The following POLD3 variants were observed in gnomAD, a reference collection of about 807,000 sequenced individuals.
POLD3 encodes the protein DNA polymerase delta subunit 3.
POLD3 carries 19 observed loss-of-function variants against 58.2 expected under a neutral mutation model. The observed-to-expected ratio is 0.33, with a 90% CI of 0.23 to 0.48. The LOEUF (loss-of-function observed/expected upper bound fraction) is 0.48. Among genes scored for constraint, POLD3 ranks in the 20% least tolerant of loss-of-function variants. The pLI is 0.99. For synonymous variants in POLD3, 172 were observed against 193.5 expected (o/e 0.89, Z 0.92); for missense variants, 504 against 545.5 (o/e 0.92, Z 0.76).
intron 4 of POLD3, among the ~76,000 whole-genome samples, chr11:74,658,196 A>G (rs974695611): frequency 6.6e-6 from 1 of 152,248 alleles, no homozygotes; most frequent in Admixed American, 6.5e-5. Flanking sequence ...GGCAGCAGCA[A>G]GAGAAAAATG....
At chr11:74,592,837 C>T in intron 1 of POLD3, 119 bp downstream of exon 1, 1 of 1,523,774 alleles carries the variant, frequency 6.6e-7, no homozygotes, top group Non-Finnish European at 8.8e-7. Context: ...GGAGACAGGT[C>T]CCCACGAGGG....
intron 2 of POLD3, among the ~76,000 whole-genome samples, chr11:74,602,772 G>C (rs1326288498): frequency 6.6e-6 from 1 of 152,168 alleles, no homozygotes; most frequent in Admixed American, 6.5e-5. Flanking sequence ...CTGGCACTCT[G>C]CCCTCTCTCC....
chr11:74,599,368 ATTT>A (rs60458731), intron 2 of POLD3, among the ~76,000 whole-genome samples: 2 of 139,480 alleles, frequency 1.4e-5, no homozygotes, highest in Admixed American at 7.2e-5. Context: ...CTCTCAAGTA[ATTT>A]TTTTTTTTTT....
At chr11:74,657,741 G>A (rs1354616641) in intron 4 of POLD3, among the ~76,000 whole-genome samples, 5 of 152,182 alleles carry the variant, frequency 3.3e-5, no homozygotes, top group African/African-American at 1.2e-4. Flanking sequence ...TTACCAGTGA[G>A]TTTTGTATCT....
At chr11:74,618,470 T>C (rs1488236201) in intron 5 of POLD3, 67 bp from the exon 6 acceptor site, 22 of 1,212,558 alleles carry the variant, frequency 1.8e-5, no homozygotes, top group Non-Finnish European at 2.5e-5. Context: ...TTTTTTTTTC[T>C]TTTTTTGTTG....
At chr11:74,631,227 A>G (rs2032579819) in intron 9 of POLD3, among the ~76,000 whole-genome samples, 1 of 152,230 alleles carries the variant, frequency 6.6e-6, no homozygotes, top group African/African-American at 2.4e-5. Context: ...GAAGTTAGAA[A>G]AGGAACAGCA....
At chr11:74,646,701 C>T (rs890812943), downstream of POLD3, among the ~76,000 whole-genome samples, 6 of 152,172 alleles carry the variant, frequency 3.9e-5, no homozygotes, top group African/African-American at 1.2e-4. Flanking sequence ...ATCAAGAGGA[C>T]ATTTGGCATT....
At chr11:74,608,742 T>C (rs944963652) in intron 3 of POLD3, among the ~76,000 whole-genome samples, 4 of 152,208 alleles carry the variant, frequency 2.6e-5, no homozygotes, top group Non-Finnish European at 4.4e-5. Context: ...TTTTTAGGGC[T>C]CTTACTGCAA....
chr11:74,607,140 T>A (rs910759860), intron 3 of POLD3, among the ~76,000 whole-genome samples: 1 of 151,970 alleles, frequency 6.6e-6, no homozygotes, highest in African/African-American at 2.4e-5. Flanking sequence ...TCAGGTTTTG[T>A]TCTTTTAATT....
intron 4 of POLD3, among the ~76,000 whole-genome samples, chr11:74,660,879 T>C (rs2033198063): frequency 1.3e-5 from 2 of 152,084 alleles, no homozygotes; most frequent in African/African-American, 4.8e-5. Context: ...TTTATAGCAA[T>C]GTAAAAACAG....
At chr11:74,596,244 C>T (rs1420473477) in intron 2 of POLD3, among the ~76,000 whole-genome samples, 7 of 149,736 alleles carry the variant, frequency 4.7e-5, no homozygotes, top group South Asian at 2.1e-4. Flanking sequence ...AGTCCAACGG[C>T]GTGATCTCGG....
chr11:74,640,887 C>A lies in POLD3; in HGVS notation c.*121C>A. The A allele has an allele frequency of 7.5e-7, 1 of 1,339,350 alleles. No individual in the cohort carries two copies. Among genetic ancestry groups the A allele is most frequent in the Non-Finnish European group, 9.6e-7 (1 of 1,044,272 alleles). 83.0% of individuals were successfully genotyped at this position (1,339,350 alleles called of 1,614,324 possible). On this transcript the variant is annotated 3_prime_UTR_variant, in exon 12 of 12. Coordinates refer to ENST00000263681, the MANE Select transcript of POLD3 (RefSeq NM_006591.3). ...ACCTCACCTGTATCAAAAGACTGTT[C>A]TTTCATCCTGTGAGGTTTATACTAT...
chr11:74,634,347 A>T lies in POLD3; in HGVS notation c.1007-236A>T, dbSNP rs1357768431. On this transcript the variant is annotated intron_variant, in intron 9 of 11. Coordinates refer to ENST00000263681, the MANE Select transcript of POLD3 (RefSeq NM_006591.3). ...AACCTGACTAGCTATAAAAGAAAAT[A>T]TTTAGCTAAGATACTTCCGGCTGTA... 3.9e-5 allele frequency among the ~76,000 whole-genome samples: 6 copies of T among 152,346 alleles called. No homozygotes were observed. The South Asian group carries it at 8.3e-4, about 21-fold the overall frequency.
chr11:74,594,869 A>T (rs1172525122), intron 2 of POLD3, among the ~76,000 whole-genome samples: 1 of 152,224 alleles, frequency 6.6e-6, no homozygotes, highest in African/African-American at 2.4e-5. Flanking sequence ...ACTCACTATC[A>T]TGAGAAGAGC....
chr11:74,618,741 A>G lies in POLD3; in HGVS notation c.597A>G (p.Lys199=). ...PKGIMGMFAS[K]AAAKTQETNK... is the part of the protein sequence containing the mutation. ...GAATTATGGGAATGTTTGCCTCCAAAGCTGCTGCTAAAACCCAAGAAACCA... is the reference window on the plus strand; with the variant it reads ...GAATTATGGGAATGTTTGCCTCCAAGGCTGCTGCTAAAACCCAAGAAACCA... The change falls in exon 6 of 12, where the codon AAA becomes AAG. Residue 199 remains lysine, a synonymous_variant. Coordinates refer to ENST00000263681, the MANE Select transcript of POLD3 (RefSeq NM_006591.3). The G allele has an allele frequency of 6.2e-7, 1 of 1,614,206 alleles. No individual in the cohort carries two copies. Among genetic ancestry groups the G allele is most frequent in the Non-Finnish European group, 8.5e-7 (1 of 1,180,008 alleles).
intron 2 of POLD3, 37 bp from the exon 3 acceptor site, chr11:74,604,655 C>A (rs1302025521): frequency 9.4e-7 from 1 of 1,062,124 alleles, no homozygotes; most frequent in Admixed American, 1.8e-5. Flanking sequence ...AAAACTCTTA[C>A]TGATGTCTTA....
At chr11:74,610,919 T>C (rs4944915) in intron 3 of POLD3, among the ~76,000 whole-genome samples, 129,987 of 152,010 alleles carry the variant, frequency 0.86, 56,065 homozygotes, top group African/African-American at 0.96. Flanking sequence ...GGATTACAGG[T>C]GCCTGCCACC....
intron 8 of POLD3, among the ~76,000 whole-genome samples, chr11:74,627,165 C>A (rs886375457): frequency 5.9e-5 from 9 of 152,078 alleles, no homozygotes; most frequent in Non-Finnish European, 8.8e-5. Context: ...GTTACTGCCC[C>A]TGAAGAAGAC....
intron 11 of POLD3, among the ~76,000 whole-genome samples, chr11:74,637,644 G>C (rs1156803818): frequency 6.6e-6 from 1 of 151,910 alleles, no homozygotes; most frequent in Non-Finnish European, 1.5e-5. Context: ...TTGTGAGAGT[G>C]AGAGTTCATT....
Sources: gnomAD v4.1 joint callset for allele counts (sites outside exome capture counted in the v4.1 genomes callset) on GRCh38, gnomAD v4.1.1 for gene constraint, MANE v1.5 for transcripts, NCBI Gene and HGNC (gene_info 2026-07-23, HGNC 2026-07-21) for gene names.